Variants in MGAT4C observed in about 807,000 individuals in gnomAD.
The protein encoded by MGAT4C is alpha-1,3-mannosyl-glycoprotein 4-beta-N-acetylglucosaminyltransferase C.
A neutral mutation model predicts 40.1 loss-of-function variants in MGAT4C; 19 were observed. The ratio of observed to expected loss-of-function variants is 0.47; its 90% CI spans 0.33 to 0.70. The LOEUF is 0.70. MGAT4C is among the 30% of genes least tolerant of loss of function. The pLI is 0.02. For missense variants in MGAT4C, 491 were observed against 563.2 expected (o/e 0.87, Z 1.30); for synonymous variants, 181 against 187.1 (o/e 0.97, Z 0.27).
At chr12:86,384,581 C>A (rs1956017381) in intron 3 of MGAT4C, among the ~76,000 whole-genome samples, 1 of 152,196 alleles carries the variant, frequency 6.6e-6, no homozygotes, top group Non-Finnish European at 1.5e-5. Flanking sequence ...GCAAGAAAAA[C>A]ATCTAAATTG....
At chr12:86,047,855 C>CA (rs1892543653) in intron 2 of MGAT4C, among the ~76,000 whole-genome samples, 1 of 151,872 alleles carries the variant, frequency 6.6e-6, no homozygotes, top group African/African-American at 2.4e-5. Context: ...TTGGCAGGAG[C>CA]AAAAAATTTA....
At chr12:86,655,364 C>T (rs577842975) in intron 2 of MGAT4C, among the ~76,000 whole-genome samples, 1 of 152,186 alleles carries the variant, frequency 6.6e-6, no homozygotes, top group East Asian at 1.9e-4. Context: ...ATGTGTGTTT[C>T]ACTGTACATT....
At chr12:86,325,645 A>G (rs1236685792) in intron 4 of MGAT4C, among the ~76,000 whole-genome samples, 1 of 152,174 alleles carries the variant, frequency 6.6e-6, no homozygotes, top group East Asian at 1.9e-4. Flanking sequence ...TGGGAGGTCA[A>G]GGCAGGTGGA....
intron 2 of MGAT4C, among the ~76,000 whole-genome samples, chr12:86,597,845 C>G (rs969180174): frequency 6.6e-6 from 1 of 152,050 alleles, no homozygotes; most frequent in Admixed American, 6.6e-5. Context: ...CTTCTCCCAC[C>G]TCCTCCCTTG....
intron 2 of MGAT4C, among the ~76,000 whole-genome samples, chr12:86,649,428 T>C (rs1234327081): frequency 2.0e-5 from 3 of 151,794 alleles, no homozygotes; most frequent in Non-Finnish European, 2.9e-5. Context: ...CGATCAGCTT[T>C]AGGTATTAGA....
chr12:86,742,639 A>G (rs577609960), intron 1 of MGAT4C, among the ~76,000 whole-genome samples: 4 of 151,548 alleles, frequency 2.6e-5, no homozygotes, highest in African/African-American at 4.8e-5. Flanking sequence ...CTGAGATTAA[A>G]TGAATAATTA....
At chr12:86,727,767 T>A (rs1303213955) in intron 1 of MGAT4C, among the ~76,000 whole-genome samples, 2 of 152,030 alleles carry the variant, frequency 1.3e-5, no homozygotes, top group Admixed American at 6.6e-5. Flanking sequence ...TTTCATTATT[T>A]TATATACATG....
chr12:86,805,907 C>T (rs959533670), intron 1 of MGAT4C, among the ~76,000 whole-genome samples: 7 of 151,706 alleles, frequency 4.6e-5, no homozygotes, highest in African/African-American at 1.7e-4. Context: ...TAATAATAGC[C>T]ATTATGACTG....
intron 1 of MGAT4C, among the ~76,000 whole-genome samples, chr12:86,085,641 T>C (rs771020900): frequency 6.6e-6 from 1 of 152,042 alleles, no homozygotes; most frequent in Non-Finnish European, 1.5e-5. Context: ...ATGTATCCAT[T>C]TCACAAAGAG....
chr12:86,463,152 T>A (rs1022266500), intron 2 of MGAT4C, among the ~76,000 whole-genome samples: 1 of 152,104 alleles, frequency 6.6e-6, no homozygotes, highest in Non-Finnish European at 1.5e-5. Flanking sequence ...TAGGGATGGA[T>A]AGCTGAGAAT....
At chr12:86,276,080 T>G (rs1953074543) in intron 4 of MGAT4C, among the ~76,000 whole-genome samples, 1 of 149,880 alleles carries the variant, frequency 6.7e-6, no homozygotes, top group East Asian at 2.0e-4. Context: ...ATTGCGCCGC[T>G]GCACTCCAGC....
chr12:86,188,098 C>T (rs1888978120), intron 1 of MGAT4C, among the ~76,000 whole-genome samples: 1 of 151,898 alleles, frequency 6.6e-6, no homozygotes, highest in Non-Finnish European at 1.5e-5. Context: ...CTCTTTTCTG[C>T]TATGATTTTT....
chr12:86,362,838 G>A (rs1366434835), intron 3 of MGAT4C, among the ~76,000 whole-genome samples: 4 of 129,340 alleles, frequency 3.1e-5, no homozygotes, highest in South Asian at 2.4e-4. Flanking sequence ...CTGCACTCCC[G>A]CCTGGGTGAC....
chr12:86,073,948 T>A (rs1186306909), intron 1 of MGAT4C, among the ~76,000 whole-genome samples: 1 of 152,176 alleles, frequency 6.6e-6, no homozygotes, highest in Admixed American at 6.5e-5. Context: ...GGTGAAATTA[T>A]ATGGTTTGGC....
intron 2 of MGAT4C, among the ~76,000 whole-genome samples, chr12:86,678,568 A>C (rs895760100): frequency 1.5e-5 from 2 of 133,914 alleles, no homozygotes; most frequent in African/African-American, 5.4e-5. Context: ...TCCTAAAGCT[A>C]TCCCTCCCCC....
intron 2 of MGAT4C, among the ~76,000 whole-genome samples, chr12:86,560,211 A>G (rs1959798289): frequency 6.6e-6 from 1 of 152,112 alleles, no homozygotes; most frequent in Non-Finnish European, 1.5e-5. Context: ...AAGCTTATAA[A>G]GGAGAGATAA....
chr12:86,131,548 A>C (rs1290943882), intron 1 of MGAT4C, among the ~76,000 whole-genome samples: 1 of 152,046 alleles, frequency 6.6e-6, no homozygotes, highest in Non-Finnish European at 1.5e-5. Context: ...ATTTTGTATA[A>C]ATTTTTTATT....
chr12:86,040,237 T>G (rs935962311), intron 2 of MGAT4C, among the ~76,000 whole-genome samples: 2 of 152,194 alleles, frequency 1.3e-5, no homozygotes, highest in Non-Finnish European at 2.9e-5. Context: ...TGGCAGTGTA[T>G]CCCTTATCAG....
In MGAT4C at chr12:86,696,230, A is replaced by AATTGG. The variant is rs112564725; in HGVS notation, c.-229+30974_-229+30978dup. Among the ~76,000 whole-genome samples the AATTGG allele has an allele frequency of 4.1e-4, 62 of 152,120 alleles. 1 individual carries two copies. The highest frequency in any genetic ancestry group is 1.5e-3 in the African/African-American group (61 of 41,484). On this transcript the variant is annotated intron_variant, in intron 2 of 7. Transcript: ENST00000548651. ...TGAGACTCAGAAAAAAAAAAAGTAT[A>AATTGG]ATTGGATTGTTTGTAGCACAAAGAA... is the stretch of plus-strand genomic sequence containing the variant.
Sources: gnomAD v4.1 joint callset for allele counts (sites outside exome capture counted in the v4.1 genomes callset) on GRCh38, gnomAD v4.1.1 for gene constraint, MANE v1.5 for transcripts, NCBI Gene and HGNC (gene_info 2026-07-23, HGNC 2026-07-21) for gene names.